The following PMFBP1 variants were observed in gnomAD, a reference collection of about 807,000 sequenced individuals.
PMFBP1 encodes polyamine-modulated factor 1-binding protein 1.
Under a neutral mutation model 137.8 loss-of-function variants are expected in PMFBP1, and 131 were observed. The observed-to-expected ratio is 0.95, with a 90% CI of 0.82 to 1.10. PMFBP1 has a LOEUF of 1.10. Among genes scored for constraint, PMFBP1 ranks in the 50% least tolerant of loss-of-function variants. The probability of loss-of-function intolerance (pLI) is 0.00; values close to 1 mark genes in which losing one functional copy is unlikely to be tolerated. For synonymous variants in PMFBP1, 490 were observed against 450.4 expected (o/e 1.09, Z -1.11); for missense variants, 1,199 against 1,175.4 (o/e 1.02, Z -0.29).
chr16:72,238,803 A>G, the PMFBP1 span, among the ~76,000 whole-genome samples: 1 of 152,178 alleles, frequency 6.6e-6, no homozygotes, highest in East Asian at 1.9e-4. Context: ...TTTCAACCAG[A>G]GGTGATCTTG....
At chr16:72,179,172 G>A (rs1438001249), upstream of PMFBP1, among the ~76,000 whole-genome samples, 1 of 152,178 alleles carries the variant, frequency 6.6e-6, no homozygotes, top group Non-Finnish European at 1.5e-5. Flanking sequence ...CATTCTCAGA[G>A]GTGCCTGCTC....
Position 72,130,199 on chromosome 16 carries a change from C to A in PMFBP1, c.1782+14G>T. The A allele has an allele frequency of 1.2e-6, 2 of 1,610,320 alleles. No homozygotes were observed. The highest frequency in any genetic ancestry group is 1.7e-6 in the Non-Finnish European group (2 of 1,179,964). ...AGCAAGCACTTGAATGGGCCATCTG[C>A]CTGCCCGTCATACCTGGTGCTTGAT... is the stretch of plus-strand genomic sequence containing the variant. On this transcript the variant is annotated intron_variant, in intron 12 of 20. Coordinates refer to ENST00000237353, the MANE Select transcript of PMFBP1 (RefSeq NM_031293.3).
At chr16:72,226,235 G>A in the PMFBP1 span, among the ~76,000 whole-genome samples, 8 of 152,102 alleles carry the variant, frequency 5.3e-5, no homozygotes, top group Non-Finnish European at 8.8e-5. Flanking sequence ...ATTATTCTGG[G>A]CTGTGGTTAT....
the PMFBP1 span, among the ~76,000 whole-genome samples, chr16:72,232,974 A>T: frequency 6.6e-6 from 1 of 152,154 alleles, no homozygotes; most frequent in African/African-American, 2.4e-5. Flanking sequence ...ATATTGATAT[A>T]CAGATGAGAC....
chr16:72,219,552 C>G, the PMFBP1 span, among the ~76,000 whole-genome samples: 1 of 133,328 alleles, frequency 7.5e-6, no homozygotes, highest in Non-Finnish European at 1.5e-5. Flanking sequence ...TCAATGTGGG[C>G]GGGGGGGCCT....
In PMFBP1 at chr16:72,122,983, G is replaced by A. The variant is rs1281607094; in HGVS notation, c.2699C>T (p.Ala900Val). 6.2e-7 allele frequency: 1 copy of A among 1,612,740 alleles called. No individual in the cohort carries two copies. The highest frequency in any genetic ancestry group is 1.1e-5 in the South Asian group (1 of 91,052). ...GAGCTGGTTTCCTAGTTTCTCATTGGCGACCCTGTAATAAAATCACAGGAG... is the reference window on the plus strand; with the variant it reads ...GAGCTGGTTTCCTAGTTTCTCATTGACGACCCTGTAATAAAATCACAGGAG... ...LEQWAKQQKVANEKLGNQLRE... is the reference protein window; with the variant it reads ...LEQWAKQQKVVNEKLGNQLRE... Residue 900 changes from alanine to valine, a missense_variant, in exon 19 of 21, where the codon GCC becomes GTC. Ala to Val is a moderately conservative substitution (Grantham distance 64). Coordinates refer to ENST00000237353, the MANE Select transcript of PMFBP1 (RefSeq NM_031293.3).
the PMFBP1 span, among the ~76,000 whole-genome samples, chr16:72,190,999 A>C: frequency 2.6e-5 from 4 of 152,202 alleles, no homozygotes; most frequent in Admixed American, 2.6e-4. Context: ...AAAAAAGAAC[A>C]TGACACTGAT....
intron 19 of PMFBP1, 31 bp downstream of exon 19, chr16:72,122,883 G>A (rs750774980): frequency 1.3e-6 from 2 of 1,597,942 alleles, no homozygotes; most frequent in South Asian, 2.2e-5. Flanking sequence ...CAGCTCCCAG[G>A]AAGCAGCCAG....
chr16:72,178,265 C>T (rs912816309), upstream of PMFBP1, among the ~76,000 whole-genome samples: 1 of 152,124 alleles, frequency 6.6e-6, no homozygotes, highest in African/African-American at 2.4e-5. Context: ...TGCATCTTAT[C>T]CCTGATGATG....
rs755057503 is a variant in PMFBP1, at chr16:72,125,348, C to T, written c.2311G>A (p.Glu771Lys). Residue 771 changes from glutamate (E) to lysine (K), a missense_variant, in exon 16 of 21, where the codon GAG becomes AAG. Coordinates refer to ENST00000237353, the MANE Select transcript of PMFBP1 (RefSeq NM_031293.3). Reference protein sequence around the residue: ...SLQQSLTQTQEKKAQLEEEII... With the variant: ...SLQQSLTQTQKKKAQLEEEII... Reference sequence around the variant, plus strand: ...TCCTCTTCCAGCTGAGCTTTCTTCTCTTGGGTCTGTGTCAAGCTTTGCTGC... The same window carrying T: ...TCCTCTTCCAGCTGAGCTTTCTTCTTTTGGGTCTGTGTCAAGCTTTGCTGC... 1.9e-6 allele frequency: 3 copies of T among 1,614,074 alleles called. No individual in the cohort carries two copies. In the Admixed American group the frequency reaches 5.0e-5, roughly 27 times the overall value.
At chr16:72,150,890 C>T (rs1229340027) in intron 4 of PMFBP1, 61 bp from the exon 5 acceptor site, 7 of 1,428,260 alleles carry the variant, frequency 4.9e-6, no homozygotes, top group African/African-American at 2.8e-5. Context: ...GGAAAGGATG[C>T]GGTTGTAAGA....
At chr16:72,197,662 A>C in the PMFBP1 span, among the ~76,000 whole-genome samples, 1 of 152,042 alleles carries the variant, frequency 6.6e-6, no homozygotes, top group Non-Finnish European at 1.5e-5. Flanking sequence ...CAGAATATTG[A>C]CCCACCCAGT....
At chr16:72,243,108 A>G in the PMFBP1 span, among the ~76,000 whole-genome samples, 1 of 152,354 alleles carries the variant, frequency 6.6e-6, no homozygotes, top group East Asian at 1.9e-4. Context: ...GCATTTTATC[A>G]GTCATGGAAA....
the PMFBP1 span, among the ~76,000 whole-genome samples, chr16:72,185,022 G>T: frequency 6.7e-6 from 1 of 148,966 alleles, no homozygotes; most frequent in Non-Finnish European, 1.5e-5. Flanking sequence ...TCTGTGTCCT[G>T]TTTTCTTTTT....
rs1420977079 is a variant in PMFBP1 at position 72,125,394 on chromosome 16, C to A, written c.2265G>T (p.Val755=). 1 of 1,609,694 alleles carries A rather than the reference C, an allele frequency of 6.2e-7. No homozygotes were observed. Among genetic ancestry groups the A allele is most frequent in the Admixed American group, 1.7e-5 (1 of 58,594 alleles). The change falls in exon 16 of 21, where the codon GTG becomes GTT. Residue 755 remains valine, a synonymous_variant. Transcript: ENST00000237353. ...GCTGCAGGCTCTTTGTCTCTGAGGTCACGTGATTGAGCTTCCGGAAAAGAC... is the reference window on the plus strand; with the variant it reads ...GCTGCAGGCTCTTTGTCTCTGAGGTAACGTGATTGAGCTTCCGGAAAAGAC... ...LTQALEKLNH[V]TSETKSLQQS... is the part of the protein sequence containing the mutation.
the PMFBP1 span, among the ~76,000 whole-genome samples, chr16:72,209,318 G>C: frequency 5.3e-5 from 8 of 152,038 alleles, no homozygotes; most frequent in Non-Finnish European, 1.2e-4. Context: ...TGACTTCACT[G>C]TTTTCTTACT....
chr16:72,128,254 TTCTG>T (rs1383469974), intron 14 of PMFBP1: 8 of 661,824 alleles, frequency 1.2e-5, no homozygotes, highest in Non-Finnish European at 1.5e-5. Context: ...ATTTACTCCT[TTCTG>T]TCATTTTTAC....
At chr16:72,166,425 T>C (rs2043145469) in intron 2 of PMFBP1, among the ~76,000 whole-genome samples, 2 of 152,206 alleles carry the variant, frequency 1.3e-5, no homozygotes. Flanking sequence ...GTGAGTCAGT[T>C]AAACCTCTTT....
At chr16:72,201,888 C>T in the PMFBP1 span, among the ~76,000 whole-genome samples, 1 of 152,202 alleles carries the variant, frequency 6.6e-6, no homozygotes, top group Non-Finnish European at 1.5e-5. Flanking sequence ...AAGACCACTT[C>T]CTCCTCCAGG....
Sources: allele counts gnomAD v4.1 joint callset (sites outside exome capture counted in the v4.1 genomes callset), GRCh38; gene constraint gnomAD v4.1.1; transcripts MANE v1.5; gene names NCBI Gene and HGNC (gene_info 2026-07-23, HGNC 2026-07-21).